The following ZNF516 variants were observed in gnomAD, a reference collection of about 807,000 sequenced individuals.
ZNF516 encodes zinc finger protein 516.
In ZNF516, 19 loss-of-function variants were observed where a neutral mutation model predicts 79.7. The observed-to-expected ratio is 0.24, with a 90% CI of 0.17 to 0.35. The LOEUF is 0.35. Among genes scored for constraint, ZNF516 ranks in the 10% least tolerant of loss-of-function variants. The pLI, the probability that ZNF516 is intolerant of heterozygous loss-of-function variation, is 1.00. For missense variants in ZNF516, 1,678 were observed against 1,679.5 expected (o/e 1.00, Z 0.02); for synonymous variants, 877 against 739.5 (o/e 1.19, Z -3.02).
chr18:76,491,290 G>A (rs190721396), intron 1 of ZNF516, among the ~76,000 whole-genome samples: 10,409 of 30,496 alleles, frequency 0.34, 642 homozygotes, highest in East Asian at 0.48. Context: ...CCCCGGCCCC[G>A]GCCCCGGCCC....
At chr18:76,445,099 AAAC>A (rs1223104417) in intron 2 of ZNF516, among the ~76,000 whole-genome samples, 4 of 152,172 alleles carry the variant, frequency 2.6e-5, no homozygotes, top group South Asian at 2.1e-4. Flanking sequence ...CTCCAATAAA[AAAC>A]AACAATTAGC....
intron 4 of ZNF516, chr18:76,372,695 TAAG>T (rs1452035130): frequency 5.3e-5 from 8 of 152,230 alleles, no homozygotes; most frequent in Admixed American, 2.0e-4. Flanking sequence ...TTTATGGAAA[TAAG>T]AAATGCATGA....
At chr18:76,413,336 C>G (rs1031644821) in intron 3 of ZNF516, among the ~76,000 whole-genome samples, 5 of 152,136 alleles carry the variant, frequency 3.3e-5, no homozygotes, top group Non-Finnish European at 7.4e-5. Context: ...TATCTAAAAT[C>G]CTTCTCTGGC....
At position 76,380,217 on chromosome 18, in the gene ZNF516, T is replaced by C. The variant is rs1430020332; in HGVS notation, c.1897A>G (p.Asn633Asp). ...TCGCCGGTGTCTCTTTCCGAGGCGT[T>C]ATCTCCCATCTTGTGACTCTGGTCT... Reference protein sequence around the residue: ...SGDQSHKMGDNASERDTGESK... With the variant: ...SGDQSHKMGDDASERDTGESK... The change falls in exon 4 of 7, where the codon AAC becomes GAC. Residue 633 changes from asparagine (N) to aspartate (D), a missense_variant. Around this residue, in one of 5 missense-constraint regions of ZNF516, gnomAD observed 1,294 missense variants for 1,248.3 expected, o/e 1.04. Coordinates refer to ENST00000443185, the MANE Select transcript of ZNF516 (RefSeq NM_014643.4). 1.9e-6 allele frequency: 3 copies of C among 1,614,016 alleles called. No homozygotes were observed. The highest frequency in any genetic ancestry group is 1.1e-5 in the South Asian group (1 of 91,076).
intron 3 of ZNF516, among the ~76,000 whole-genome samples, chr18:76,437,099 C>CACACACACACACACACACAT (rs1423993820): frequency 2.0e-5 from 3 of 151,150 alleles, no homozygotes; most frequent in Admixed American, 6.6e-5. Context: ...CACACACACA[C>CACACACACACACACACACAT]ATACCGTCTC....
At position 76,395,822 on chromosome 18, in the gene ZNF516, G is replaced by A. The variant is rs373950964; in HGVS notation, c.1811-15519C>T. On this transcript the variant is annotated intron_variant, in intron 3 of 6. Coordinates refer to ENST00000443185, the MANE Select transcript of ZNF516 (RefSeq NM_014643.4). Reference sequence around the variant, plus strand: ...TCACCACCCTGGTCACACTGCAGCCGGCCGTGAGGGTGGGCCAGCCGCCCT... The same window carrying A: ...TCACCACCCTGGTCACACTGCAGCCAGCCGTGAGGGTGGGCCAGCCGCCCT... Among the ~76,000 whole-genome samples the A allele has an allele frequency of 1.1e-4, 17 of 152,242 alleles. No homozygotes were observed. In the South Asian group the frequency reaches 1.9e-3, roughly 17 times the overall value.
intron 1 of ZNF516, chr18:76,492,622 G>A: frequency 2.9e-6 from 2 of 686,930 alleles, no homozygotes; most frequent in Non-Finnish European, 3.6e-6. Context: ...CGGGCGAGTG[G>A]GTTCCATCAT....
rs376131671 is a variant in ZNF516, at chr18:76,378,970, G to A, written c.3144C>T (p.Ala1048=). 2.2e-5 allele frequency: 35 copies of A among 1,613,538 alleles called. No individual in the cohort carries two copies. The highest frequency in any genetic ancestry group is 5.3e-5 in the African/African-American group (4 of 74,924). ...TGTCCAGGCGCTTCTCATGCCCCTC[G>A]GCCACCGGCTCCTGTTTGATGGAGT... is the stretch of plus-strand genomic sequence containing the variant. The part of the protein sequence containing the change: ...VLHSIKQEPV[A]EGHEKRLDIL... The change falls in exon 4 of 7, where the codon GCC becomes GCT. Residue 1048 remains alanine (A), a synonymous_variant. Coordinates refer to ENST00000443185, the MANE Select transcript of ZNF516 (RefSeq NM_014643.4).
In ZNF516 at chr18:76,370,588, A is replaced by G. The variant is rs2074686796; in HGVS notation, c.3372T>C (p.Phe1124=). ...CAGAACCCCGAGGCCCATCGGACTC[A>G]AACACCACTGTGGGAACAAGGGGTT... ...RAHMRAHSVV[F]ESDGPRGSEV... The change falls in exon 6 of 7, where the codon TTT becomes TTC. Residue 1124 remains phenylalanine (F), a synonymous_variant. Coordinates refer to ENST00000443185, the MANE Select transcript of ZNF516 (RefSeq NM_014643.4). The G allele has an allele frequency of 6.2e-7, 1 of 1,602,504 alleles. No individual in the cohort carries two copies. Among genetic ancestry groups the G allele is most frequent in the Non-Finnish European group, 8.5e-7 (1 of 1,174,122 alleles).
chr18:76,470,414 G>A (rs1913757268), intron 1 of ZNF516, among the ~76,000 whole-genome samples: 1 of 152,142 alleles, frequency 6.6e-6, no homozygotes, highest in African/African-American at 2.4e-5. Context: ...AACTGCTTAA[G>A]AAATTCCAAG....
chr18:76,426,709 A>G (rs1349850513), intron 3 of ZNF516, among the ~76,000 whole-genome samples: 2 of 152,232 alleles, frequency 1.3e-5, no homozygotes, highest in Admixed American at 6.5e-5. Context: ...ACACATACGC[A>G]TGGATAAAGG....
chr18:76,431,114 C>T (rs758706947), intron 3 of ZNF516, among the ~76,000 whole-genome samples: 4 of 152,086 alleles, frequency 2.6e-5, no homozygotes, highest in Admixed American at 2.6e-4. Context: ...ATACTGGATC[C>T]TATCAATAGC....
intron 3 of ZNF516, among the ~76,000 whole-genome samples, chr18:76,418,492 CAT>C (rs769704027): frequency 1.4e-4 from 22 of 152,070 alleles, no homozygotes; most frequent in Admixed American, 5.2e-4. Flanking sequence ...AACACACTAA[CAT>C]ACGCTGTAAC....
intron 3 of ZNF516, among the ~76,000 whole-genome samples, chr18:76,407,462 T>C (rs12457482): frequency 0.083 from 12,648 of 152,004 alleles, 766 homozygotes; most frequent in Admixed American, 0.17. Context: ...GGAAACCCAG[T>C]AGCGCAGGTT....
intron 1 of ZNF516, chr18:76,491,633 C>A: frequency 2.9e-6 from 2 of 687,390 alleles, no homozygotes; most frequent in Non-Finnish European, 3.6e-6. Context: ...CCGCCCACGG[C>A]CCTCCTCCTG....
At chr18:76,402,887 G>A (rs2075250313) in intron 3 of ZNF516, among the ~76,000 whole-genome samples, 1 of 152,226 alleles carries the variant, frequency 6.6e-6, no homozygotes, top group Non-Finnish European at 1.5e-5. Context: ...GCTGGCAGCT[G>A]CTGTCTGCGC....
At chr18:76,415,771 C>G (rs929699367) in intron 3 of ZNF516, among the ~76,000 whole-genome samples, 9 of 152,162 alleles carry the variant, frequency 5.9e-5, no homozygotes, top group African/African-American at 1.9e-4. Context: ...AGCATGTCCT[C>G]AACAGAGTTC....
At chr18:76,364,672 C>A (rs2074587317) in intron 6 of ZNF516, among the ~76,000 whole-genome samples, 1 of 151,556 alleles carries the variant, frequency 6.6e-6, no homozygotes, top group Non-Finnish European at 1.5e-5. Flanking sequence ...TGGATCGATG[C>A]CCCGCACACA....
At chr18:76,433,173 C>A (rs779157247) in intron 3 of ZNF516, among the ~76,000 whole-genome samples, 1 of 152,230 alleles carries the variant, frequency 6.6e-6, no homozygotes, top group South Asian at 2.1e-4. Context: ...TGTTATCAGA[C>A]AGGAAGATCT....
Sources: allele counts gnomAD v4.1 joint callset (sites outside exome capture counted in the v4.1 genomes callset), GRCh38; gene constraint gnomAD v4.1.1; regional missense constraint gnomAD v4.1.1; transcripts MANE v1.5; gene names NCBI Gene and HGNC (gene_info 2026-07-23, HGNC 2026-07-21).